The following UTRN variants were observed in gnomAD, a reference collection of about 807,000 sequenced individuals.
The protein encoded by UTRN is dystrophin-related protein 1.
In UTRN, 283 loss-of-function variants were observed where a neutral mutation model predicts 463.9. The ratio of observed to expected loss-of-function variants is 0.61; its 90% confidence interval spans 0.55 to 0.67. The LOEUF (loss-of-function observed/expected upper bound fraction) is 0.67. Ranked by LOEUF, UTRN falls within the 30% of genes least tolerant of loss-of-function variation. UTRN has a pLI of 0.00. For synonymous variants in UTRN, 1,442 were observed against 1,431.5 expected, an observed-to-expected ratio of 1.01 and a Z score of -0.17; for missense variants, 3,922 against 4,084.3, an observed-to-expected ratio of 0.96 and a Z score of 1.08.
intron 2 of UTRN, among the ~76,000 whole-genome samples, chr6:144,317,082 A>G (rs1023390976): frequency 6.6e-6 from 1 of 152,210 alleles, no homozygotes; most frequent in Non-Finnish European, 1.5e-5. Context: ...CAATAAGAAA[A>G]TGGTTAGTTT....
chr6:144,397,204 A>T (rs934799636), intron 2 of UTRN, among the ~76,000 whole-genome samples: 1 of 151,936 alleles, frequency 6.6e-6, no homozygotes. Flanking sequence ...AGATCACACC[A>T]TTGCACTCCA....
In UTRN at chr6:144,748,394, G is replaced by T. The variant is rs1289795008; in HGVS notation, c.8088G>T (p.Leu2696=). 1.2e-6 allele frequency: 2 copies of T among 1,613,872 alleles called. No homozygotes were observed. Among genetic ancestry groups the T allele is most frequent in the Non-Finnish European group, 1.7e-6 (2 of 1,179,910 alleles). Residue 2696 remains leucine (L), a synonymous_variant, in exon 55 of 75, where the codon CTG becomes CTT. Coordinates refer to ENST00000367545, the MANE Select transcript of UTRN (RefSeq NM_007124.3). The part of the protein sequence containing the change: ...VDKALEKLRD[L]QGAMDDLDAD... ...AGGCATTGGAGAAACTCAGAGACCT[G>T]CAGGGAGCTATGGATGACCTGGACG... is the stretch of plus-strand genomic sequence containing the variant.
intron 50 of UTRN, among the ~76,000 whole-genome samples, chr6:144,571,657 TG>T (rs1172365835): frequency 1.3e-5 from 2 of 152,240 alleles, no homozygotes; most frequent in African/African-American, 4.8e-5. Context: ...GACATTATTT[TG>T]CTTGTCCAAA....
chr6:144,312,602 A>G (rs1775012412), intron 2 of UTRN, among the ~76,000 whole-genome samples: 6 of 152,192 alleles, frequency 3.9e-5, no homozygotes, highest in Admixed American at 3.9e-4. Context: ...TTAAATATAT[A>G]CAGAATTTCC....
At chr6:144,547,327 AG>A (rs954565492) in intron 46 of UTRN, among the ~76,000 whole-genome samples, 12 of 152,184 alleles carry the variant, frequency 7.9e-5, no homozygotes, top group African/African-American at 2.7e-4. Context: ...CATCTTTCAA[AG>A]GCTTTTAAAA....
rs747193954 is a variant in UTRN, at chr6:144,522,996, C to A, written c.5734-20C>A. ...TGTTACTTTGCTGGATTTTGTTAAT[C>A]TATGACAATATATTTTTAGAATATC... On this transcript the variant is annotated intron_variant, in intron 40 of 74. Transcript: ENST00000367545. 6.4e-7 allele frequency: 1 copy of A among 1,555,484 alleles called. No homozygotes were observed. The highest frequency in any genetic ancestry group is 8.7e-7 in the Non-Finnish European group (1 of 1,151,146).
chr6:144,311,595 A>G (rs1806272725), intron 2 of UTRN: 1 of 152,238 alleles, frequency 6.6e-6, no homozygotes, highest in African/African-American at 2.4e-5. Flanking sequence ...TAAGGTAAGG[A>G]GTATGGACTA....
At chr6:144,779,300 CT>C (rs1775610365) in intron 60 of UTRN, among the ~76,000 whole-genome samples, 1 of 152,182 alleles carries the variant, frequency 6.6e-6, no homozygotes, top group South Asian at 2.1e-4. Flanking sequence ...TTATTAAACA[CT>C]TTCCTTTGTC....
intron 51 of UTRN, among the ~76,000 whole-genome samples, chr6:144,654,808 G>C (rs551895267): frequency 1.3e-5 from 2 of 152,290 alleles, no homozygotes; most frequent in South Asian, 4.1e-4. Context: ...ATAAAGTGCC[G>C]TCTGAATTGT....
intron 51 of UTRN, among the ~76,000 whole-genome samples, chr6:144,627,588 G>C (rs964860066): frequency 7.2e-5 from 11 of 152,054 alleles, no homozygotes; most frequent in Admixed American, 6.5e-4. Context: ...CGGAAACTCT[G>C]TTCCCATTAA....
Position 144,673,737 on chromosome 6 carries a change from T to A in UTRN, c.7480-4669T>A, listed in dbSNP as rs886189700. On this transcript the variant is annotated intron_variant, in intron 51 of 74. Coordinates refer to ENST00000367545, the MANE Select transcript of UTRN (RefSeq NM_007124.3). ...AAAAATTGTGTTGTTGTTTTATAGG[T>A]TCTGTGAGATTTATGATTTAAGGAG... 3.3e-5 allele frequency among the ~76,000 whole-genome samples: 5 copies of A among 152,140 alleles called. No individual in the cohort carries two copies. The South Asian group carries it at 1.0e-3, about 31-fold the overall frequency.
chr6:144,765,031 C>T (rs1258162406), intron 58 of UTRN, among the ~76,000 whole-genome samples: 2 of 140,682 alleles, frequency 1.4e-5, no homozygotes, highest in Non-Finnish European at 3.1e-5. Context: ...TTGAGAGTCA[C>T]GGAGATGAGG....
At chr6:144,360,348 T>A (rs1473385663) in intron 2 of UTRN, among the ~76,000 whole-genome samples, 1 of 151,912 alleles carries the variant, frequency 6.6e-6, no homozygotes, top group African/African-American at 2.4e-5. Flanking sequence ...AATTTTTATA[T>A]TTTTAGTAGA....
intron 2 of UTRN, among the ~76,000 whole-genome samples, chr6:144,292,134 C>T (rs1304215288): frequency 6.6e-6 from 1 of 152,208 alleles, no homozygotes; most frequent in Non-Finnish European, 1.5e-5. Context: ...AGTGAAACTG[C>T]TGCTTGTAGC....
chr6:144,840,859 A>G (rs1197007195), intron 73 of UTRN, 27 bp downstream of exon 73: 11 of 1,602,944 alleles, frequency 6.9e-6, no homozygotes, highest in Non-Finnish European at 8.5e-6. Context: ...GCAGCACCAC[A>G]GCTGCACGTG....
intron 53 of UTRN, among the ~76,000 whole-genome samples, chr6:144,715,683 CTCTCTCTCTT>C (rs1786335794): frequency 7.7e-6 from 1 of 129,726 alleles, no homozygotes. Flanking sequence ...CTCTCTCATT[CTCTCTCTCTT>C]CCCCCCCCAC....
chr6:144,601,586 CA>C (rs1412409352), intron 51 of UTRN, among the ~76,000 whole-genome samples: 1 of 151,864 alleles, frequency 6.6e-6, no homozygotes, highest in East Asian at 1.9e-4. Context: ...AATGGATGAG[CA>C]AAAAAAGTGG....
At chr6:144,520,087 A>T (rs955822470) in intron 39 of UTRN, among the ~76,000 whole-genome samples, 5 of 152,248 alleles carry the variant, frequency 3.3e-5, no homozygotes, top group Non-Finnish European at 7.3e-5. Flanking sequence ...TGGAAAACAG[A>T]TGACCTTTCA....
intron 3 of UTRN, among the ~76,000 whole-genome samples, chr6:144,403,860 T>C: frequency 6.6e-6 from 1 of 152,158 alleles, no homozygotes. Context: ...AAGCCTGAGG[T>C]AGGAGGAGAG....
Sources: gnomAD v4.1 joint callset for allele counts (sites outside exome capture counted in the v4.1 genomes callset) on GRCh38, gnomAD v4.1.1 for gene constraint, MANE v1.5 for transcripts, NCBI Gene and HGNC (gene_info 2026-07-23, HGNC 2026-07-21) for gene names.